Variants in SLCO1B3 observed in about 807,000 individuals in gnomAD.
The protein encoded by SLCO1B3 is liver-specific organic anion transporter 2.
SLCO1B3 carries 72 observed loss-of-function variants against 71.8 expected under a neutral mutation model. The ratio of observed to expected loss-of-function variants is 1.00; its 90% CI spans 0.83 to 1.22. The LOEUF is 1.22. Among genes scored for constraint, SLCO1B3 ranks in the 50% most tolerant of loss-of-function variants. The probability of loss-of-function intolerance (pLI) is 0.00; values close to 1 mark genes in which losing one functional copy is unlikely to be tolerated. For missense variants in SLCO1B3, 911 were observed against 819.7 expected (o/e 1.11, Z -1.36); for synonymous variants, 298 against 278.4 (o/e 1.07, Z -0.70).
rs147034834 is a variant in SLCO1B3 at position 20,816,872 on chromosome 12, T to C, written c.84+1050T>C. 7.3e-3 allele frequency among the ~76,000 whole-genome samples: 1,114 copies of C among 152,310 alleles called. 7 individuals are homozygous for C. The highest frequency in any genetic ancestry group is 0.028 in the South Asian group (137 of 4,832). ...CCTCACCAGCATTTGTTATTGCCTG[T>C]CTTTGGGATATAAGCCATTTTAACT... On this transcript the variant is annotated intron_variant, in intron 3 of 15. Transcript: ENST00000381545.
At chr12:20,825,483 A>C (rs1581194) in intron 3 of SLCO1B3, among the ~76,000 whole-genome samples, 80,615 of 151,802 alleles carry the variant, frequency 0.53, 22,064 homozygotes, top group East Asian at 0.74. Context: ...TTTTAGACCC[A>C]GAAGTAAAAG....
chr12:20,816,862 T>G (rs561236217), intron 3 of SLCO1B3, among the ~76,000 whole-genome samples: 1 of 152,316 alleles, frequency 6.6e-6, no homozygotes, highest in East Asian at 1.9e-4. Flanking sequence ...CCAGCATTTG[T>G]TATTGCCTGT....
chr12:20,884,549 G>T (rs1865754881), intron 13 of SLCO1B3, among the ~76,000 whole-genome samples: 1 of 152,068 alleles, frequency 6.6e-6, no homozygotes, highest in Admixed American at 6.6e-5. Context: ...AGTGAGAGGG[G>T]TATGGCAGAT....
intron 3 of SLCO1B3, among the ~76,000 whole-genome samples, chr12:20,833,719 A>T (rs910219013): frequency 1.6e-5 from 2 of 123,732 alleles, no homozygotes; most frequent in African/African-American, 5.1e-5. Context: ...TGTATATTAC[A>T]TATATTTACA....
intron 1 of SLCO1B3, among the ~76,000 whole-genome samples, chr12:20,811,041 A>C (rs1429428448): frequency 6.6e-6 from 1 of 152,204 alleles, no homozygotes; most frequent in Non-Finnish European, 1.5e-5. Flanking sequence ...TTCTAAACAA[A>C]TGAAACATGA....
At chr12:20,825,960 C>G (rs377537775) in intron 3 of SLCO1B3, among the ~76,000 whole-genome samples, 4 of 151,728 alleles carry the variant, frequency 2.6e-5, no homozygotes, top group Admixed American at 2.6e-4. Flanking sequence ...ATAAGAATAA[C>G]GAATTATTTT....
intron 2 of SLCO1B3, among the ~76,000 whole-genome samples, chr12:20,815,355 A>C (rs1227877606): frequency 6.6e-6 from 1 of 152,192 alleles, no homozygotes; most frequent in Non-Finnish European, 1.5e-5. Flanking sequence ...TATGTAGAAA[A>C]TATAAAAATT....
chr12:20,883,663 G>T, intron 13 of SLCO1B3, 61 bp downstream of exon 13: 10 of 1,074,726 alleles, frequency 9.3e-6, no homozygotes, highest in South Asian at 3.5e-5. Flanking sequence ...CTAATGATAG[G>T]CATATTTTTC....
Position 20,812,687 on chromosome 12 carries a change from T to C in SLCO1B3, c.-180-837T>C, listed in dbSNP as rs116708077. ...AGGGATCTTTGAATGATTCCAAGAA[T>C]GGACATGATATGCATAGGAAAGAAA... On this transcript the variant is annotated intron_variant, in intron 1 of 15. Coordinates refer to ENST00000381545, the MANE Select transcript of SLCO1B3 (RefSeq NM_019844.4). 5.3e-3 allele frequency among the ~76,000 whole-genome samples: 800 copies of C among 152,276 alleles called. 6 individuals carry two copies. The highest frequency in any genetic ancestry group is 0.028 in the South Asian group (137 of 4,828).
chr12:20,860,322 C>T (rs574094610), intron 5 of SLCO1B3, among the ~76,000 whole-genome samples: 4 of 152,174 alleles, frequency 2.6e-5, no homozygotes, highest in South Asian at 2.1e-4. Flanking sequence ...ACTATATCTT[C>T]GATCATACAC....
At chr12:20,871,177 G>A (rs188841456) in intron 8 of SLCO1B3, among the ~76,000 whole-genome samples, 2 of 152,182 alleles carry the variant, frequency 1.3e-5, no homozygotes, top group South Asian at 2.1e-4. Flanking sequence ...TTTGGTATCA[G>A]GGTAATATTG....
chr12:20,883,355 T>G, intron 12 of SLCO1B3, 63 bp from the exon 13 acceptor site: 1 of 883,370 alleles, frequency 1.1e-6, no homozygotes, highest in Non-Finnish European at 1.6e-6. Context: ...TATAATGGAA[T>G]GTATTCATAG....
chr12:20,875,338 T>A lies in SLCO1B3; in HGVS notation c.831T>A (p.Phe277Leu). The change falls in exon 9 of 16, where the codon TTT (phenylalanine) becomes TTA (leucine). Residue 277 changes from phenylalanine to leucine, a missense_variant. Transcript: ENST00000381545. Reference sequence around the variant, plus strand: ...CCATTATTTCTTCCATACCATTTTTTTTCTTGCCGAAAAATCCAAATAAAC... The same window carrying A: ...CCATTATTTCTTCCATACCATTTTTATTCTTGCCGAAAAATCCAAATAAAC... ...LFSIISSIPF[F>L]FLPKNPNKPQ... The A allele has an allele frequency of 6.2e-7, 1 of 1,613,558 alleles. No individual in the cohort carries two copies. Among genetic ancestry groups the A allele is most frequent in the Non-Finnish European group, 8.5e-7 (1 of 1,179,718 alleles).
chr12:20,816,285 G>T (rs914563313), intron 3 of SLCO1B3, among the ~76,000 whole-genome samples: 1 of 151,992 alleles, frequency 6.6e-6, no homozygotes, highest in Non-Finnish European at 1.5e-5. Context: ...CAAATAGTAG[G>T]TCTTATTCAT....
At chr12:20,890,716 T>A (rs111435798) in intron 13 of SLCO1B3, among the ~76,000 whole-genome samples, 1 of 152,188 alleles carries the variant, frequency 6.6e-6, no homozygotes, top group Admixed American at 6.6e-5. Context: ...TGGGTTTATA[T>A]GTTTGGAATT....
chr12:20,822,481 T>C (rs962473026), intron 3 of SLCO1B3, among the ~76,000 whole-genome samples: 2 of 151,984 alleles, frequency 1.3e-5, no homozygotes, highest in Non-Finnish European at 2.9e-5. Context: ...CAAATCACAA[T>C]GGTGGAATGT....
chr12:20,892,228 AT>A (rs1280648696), intron 13 of SLCO1B3, among the ~76,000 whole-genome samples: 10 of 151,968 alleles, frequency 6.6e-5, no homozygotes, highest in African/African-American at 2.4e-4. Context: ...GGTTTTTTCC[AT>A]TTGAAAATGT....
chr12:20,903,044 A>C (rs1211252561), intron 15 of SLCO1B3, among the ~76,000 whole-genome samples: 6 of 147,976 alleles, frequency 4.1e-5, no homozygotes, highest in African/African-American at 1.5e-4. Context: ...TGCACACTCC[A>C]GCCTGGGCGA....
At chr12:20,893,473 C>G (rs1191976253) in intron 13 of SLCO1B3, among the ~76,000 whole-genome samples, 1 of 152,030 alleles carries the variant, frequency 6.6e-6, no homozygotes, top group Non-Finnish European at 1.5e-5. Flanking sequence ...ACCTAGAGGT[C>G]TGTCAGAAGA....
Sources: allele counts gnomAD v4.1 joint callset (sites outside exome capture counted in the v4.1 genomes callset), GRCh38; gene constraint gnomAD v4.1.1; transcripts MANE v1.5; gene names NCBI Gene and HGNC (gene_info 2026-07-23, HGNC 2026-07-21).